Variants in ADAM19 observed in about 807,000 individuals in gnomAD.
The protein encoded by ADAM19 is disintegrin and metalloproteinase domain-containing protein 19.
ADAM19 carries 65 observed loss-of-function variants against 114.7 expected under a neutral mutation model. The ratio of observed to expected loss-of-function variants is 0.57; its 90% CI spans 0.46 to 0.70. ADAM19 has a LOEUF of 0.70. Ranked by LOEUF, ADAM19 falls within the 30% of genes least tolerant of loss-of-function variation. The pLI is 0.00. For synonymous variants in ADAM19, 466 were observed against 460.5 expected, an observed-to-expected ratio of 1.01 and a Z score of -0.15; for missense variants, 1,063 against 1,204.7, an observed-to-expected ratio of 0.88 and a Z score of 1.74.
At chr5:157,496,860 C>T (rs1755381326) in intron 14 of ADAM19, 34 bp downstream of exon 14, 1 of 1,502,438 alleles carries the variant, frequency 6.7e-7, no homozygotes, top group Non-Finnish European at 8.8e-7. Context: ...AAGTGGTGGG[C>T]TGGGGAGAGC....
chr5:157,506,969 T>C (rs1172603821), intron 10 of ADAM19, 87 bp downstream of exon 10: 1 of 1,162,536 alleles, frequency 8.6e-7, no homozygotes, highest in Non-Finnish European at 1.3e-6. Context: ...CAATAATAAA[T>C]ATCAACTTAT....
chr5:157,512,403 C>T (rs1048721971), intron 8 of ADAM19, among the ~76,000 whole-genome samples: 1 of 152,204 alleles, frequency 6.6e-6, no homozygotes, highest in Non-Finnish European at 1.5e-5. Flanking sequence ...ATTCATGAAT[C>T]CCTAGCAGGC....
chr5:157,521,573 C>T (rs541693991), intron 5 of ADAM19, among the ~76,000 whole-genome samples: 47 of 152,190 alleles, frequency 3.1e-4, no homozygotes, highest in Non-Finnish European at 6.6e-4. Flanking sequence ...CAGCCTTTCC[C>T]GGATCCCATC....
At chr5:157,556,209 CTTTTTTTTTTTTT>C (rs68078503) in intron 3 of ADAM19, among the ~76,000 whole-genome samples, 16 of 66,332 alleles carry the variant, frequency 2.4e-4, no homozygotes, top group African/African-American at 5.4e-4. Context: ...TTTTCTTTTT[CTTTTTTTTTTTTT>C]TTTTTTTTTT....
At chr5:157,535,163 C>T (rs2113760599) in intron 4 of ADAM19, among the ~76,000 whole-genome samples, 1 of 152,376 alleles carries the variant, frequency 6.6e-6, no homozygotes, top group East Asian at 1.9e-4. Flanking sequence ...AAACTCAACA[C>T]TAGTGTGGTC....
intron 3 of ADAM19, among the ~76,000 whole-genome samples, chr5:157,540,994 G>C (rs552188264): frequency 6.6e-6 from 1 of 152,230 alleles, no homozygotes; most frequent in Non-Finnish European, 1.5e-5. Context: ...CCAGACTCAT[G>C]AATCAGACAG....
chr5:157,492,008 A>C, intron 16 of ADAM19, 96 bp from the exon 17 acceptor site: 1 of 1,206,876 alleles, frequency 8.3e-7, no homozygotes, highest in Non-Finnish European at 1.2e-6. Flanking sequence ...ATGAGGACCC[A>C]TGGCCCGGCC....
At chr5:157,575,147 C>T (rs1448748200) in intron 1 of ADAM19, among the ~76,000 whole-genome samples, 2 of 152,216 alleles carry the variant, frequency 1.3e-5, no homozygotes, top group South Asian at 2.1e-4. Flanking sequence ...TGGCAGGCAC[C>T]GAGCCTGGTC....
chr5:157,572,460 TCTAAA>T (rs1757858147), intron 1 of ADAM19, among the ~76,000 whole-genome samples: 1 of 152,152 alleles, frequency 6.6e-6, no homozygotes, highest in African/African-American at 2.4e-5. Context: ...ATCTATTCTG[TCTAAA>T]CTAACTACAT....
chr5:157,538,022 A>G (rs774046660), intron 3 of ADAM19, 31 bp from the exon 4 acceptor site: 10 of 1,569,034 alleles, frequency 6.4e-6, no homozygotes, highest in African/African-American at 1.4e-5. Flanking sequence ...CATTTATATC[A>G]TAAGTGGATG....
At chr5:157,558,592 T>C (rs556967437) in intron 3 of ADAM19, among the ~76,000 whole-genome samples, 1 of 152,292 alleles carries the variant, frequency 6.6e-6, no homozygotes, top group East Asian at 1.9e-4. Context: ...CAACAACAAA[T>C]GAAGCTCCTG....
At chr5:157,552,546 G>T (rs1361799006) in intron 3 of ADAM19, among the ~76,000 whole-genome samples, 1 of 151,946 alleles carries the variant, frequency 6.6e-6, no homozygotes, top group East Asian at 1.9e-4. Context: ...GGGCATGGTG[G>T]TGTGTGCCTG....
chr5:157,563,605 C>T (rs1267027316), intron 3 of ADAM19, among the ~76,000 whole-genome samples: 3 of 152,122 alleles, frequency 2.0e-5, no homozygotes, highest in Admixed American at 6.5e-5. Context: ...TGTGGCAGAA[C>T]GAAAAGTGGG....
intron 5 of ADAM19, among the ~76,000 whole-genome samples, chr5:157,526,125 G>T (rs1226526580): frequency 8.6e-5 from 13 of 151,822 alleles, no homozygotes; most frequent in Admixed American, 8.5e-4. Context: ...TATGCATAGG[G>T]TGATCTCATT....
intron 11 of ADAM19, among the ~76,000 whole-genome samples, chr5:157,504,938 T>C (rs902460364): frequency 6.6e-6 from 1 of 151,694 alleles, no homozygotes; most frequent in Non-Finnish European, 1.5e-5. Context: ...GCTAACATGG[T>C]GAAACCCTGT....
chr5:157,518,408 G>C (rs1394986476), intron 7 of ADAM19, among the ~76,000 whole-genome samples: 1 of 152,150 alleles, frequency 6.6e-6, no homozygotes, highest in Non-Finnish European at 1.5e-5. Context: ...CTTTGAGACG[G>C]AGTTTCGCTC....
chr5:157,516,288 C>T (rs1157187795), intron 7 of ADAM19, among the ~76,000 whole-genome samples: 1 of 152,150 alleles, frequency 6.6e-6, no homozygotes. Context: ...TTCCCTTATC[C>T]ACCACAGCTG....
intron 3 of ADAM19, among the ~76,000 whole-genome samples, chr5:157,538,698 CT>C (rs1259808282): frequency 7.9e-5 from 12 of 152,300 alleles, no homozygotes; most frequent in African/African-American, 2.6e-4. Flanking sequence ...ACATTGGTTT[CT>C]CTCACCACAG....
chr5:157,546,336 G>A (rs531024668), intron 3 of ADAM19, among the ~76,000 whole-genome samples: 58 of 152,308 alleles, frequency 3.8e-4, no homozygotes, highest in African/African-American at 1.1e-3. Flanking sequence ...GCATGTGTGC[G>A]TGTTGAGAGC....
Sources: allele counts gnomAD v4.1 joint callset (sites outside exome capture counted in the v4.1 genomes callset), GRCh38; gene constraint gnomAD v4.1.1; transcripts MANE v1.5; gene names NCBI Gene and HGNC (gene_info 2026-07-23, HGNC 2026-07-21).